RNLS: variants seen among roughly 807,000 people sequenced by gnomAD.
RNLS encodes renalase, FAD dependent amine oxidase, also known as renalase.
In RNLS, 39 loss-of-function variants were observed where a neutral mutation model predicts 39.8. The observed-to-expected ratio is 0.98, with a 90% confidence interval of 0.76 to 1.28. The LOEUF (loss-of-function observed/expected upper bound fraction) is 1.28. Among genes scored for constraint, RNLS ranks in the 50% most tolerant of loss-of-function variants. RNLS has a pLI of 0.00. For missense variants in RNLS, 410 were observed against 413.3 expected (o/e 0.99, Z 0.07); for synonymous variants, 147 against 150.7 (o/e 0.98, Z 0.18).
At chr10:88,498,670 C>T (rs1325304694) in intron 4 of RNLS, among the ~76,000 whole-genome samples, 1 of 151,230 alleles carries the variant, frequency 6.6e-6, no homozygotes, top group Non-Finnish European at 1.5e-5. Flanking sequence ...TATGAAAATG[C>T]CCTTGTTTTA....
intron 4 of RNLS, among the ~76,000 whole-genome samples, chr10:88,501,007 G>GTA (rs1845444492): frequency 1.5e-5 from 2 of 134,504 alleles, no homozygotes; most frequent in South Asian, 2.5e-4. Flanking sequence ...ATGTGTGTGT[G>GTA]TATATATATC....
At chr10:88,514,909 G>A (rs2134170144) in intron 4 of RNLS, among the ~76,000 whole-genome samples, 1 of 152,178 alleles carries the variant, frequency 6.6e-6, no homozygotes, top group South Asian at 2.1e-4. Context: ...AAGCGGGATT[G>A]GATTGCTAGA....
At chr10:88,298,447 T>G (rs1386699623) in intron 6 of RNLS, among the ~76,000 whole-genome samples, 2 of 152,220 alleles carry the variant, frequency 1.3e-5, no homozygotes, top group African/African-American at 2.4e-5. Flanking sequence ...TGTTTTCTTC[T>G]AGAAGTTTTA....
At chr10:88,202,498 A>G in the RNLS span, among the ~76,000 whole-genome samples, 8 of 152,156 alleles carry the variant, frequency 5.3e-5, no homozygotes, top group East Asian at 1.9e-4. Context: ...CCCACCCTGT[A>G]CCAGCCCTCC....
chr10:88,195,786 T>C, the RNLS span, among the ~76,000 whole-genome samples: 18 of 152,306 alleles, frequency 1.2e-4, no homozygotes, highest in South Asian at 6.2e-4. Context: ...CAGTTTTTCA[T>C]TGGAACCATC....
chr10:88,422,763 T>C (rs12412793), intron 4 of RNLS, among the ~76,000 whole-genome samples: 9,468 of 145,156 alleles, frequency 0.065, 430 homozygotes, highest in African/African-American at 0.12. Context: ...TAGATGGCCC[T>C]TTTTTTTTTT....
At chr10:88,512,262 C>T (rs1202233539) in intron 4 of RNLS, among the ~76,000 whole-genome samples, 1 of 152,140 alleles carries the variant, frequency 6.6e-6, no homozygotes, top group Admixed American at 6.6e-5. Flanking sequence ...AGTCTGTTTG[C>T]ACCCTTTTAT....
intron 2 of RNLS, 60 bp downstream of exon 2, chr10:88,582,139 CACA>C: frequency 7.7e-7 from 1 of 1,294,088 alleles, no homozygotes; most frequent in South Asian, 1.3e-5. Flanking sequence ...ATCTAATCTT[CACA>C]ACAACCCTAT....
intron 4 of RNLS, among the ~76,000 whole-genome samples, chr10:88,448,150 T>A (rs1441584697): frequency 2.6e-5 from 4 of 152,140 alleles, no homozygotes; most frequent in South Asian, 2.1e-4. Flanking sequence ...AAGCCAAAAT[T>A]GACAAATGGG....
chr10:88,516,421 T>C (rs1846409842), intron 4 of RNLS, among the ~76,000 whole-genome samples: 2 of 152,090 alleles, frequency 1.3e-5, no homozygotes, highest in African/African-American at 4.8e-5. Flanking sequence ...GAATATGTAA[T>C]TAAATTTTAT....
chr10:88,183,174 CT>C, the RNLS span, among the ~76,000 whole-genome samples: 8 of 152,042 alleles, frequency 5.3e-5, no homozygotes, highest in African/African-American at 1.9e-4. Context: ...CCATATTTTC[CT>C]TTGGATGCAA....
rs750167470 is a variant in RNLS at position 88,362,597 on chromosome 10, G to C, written c.655C>G (p.Pro219Ala). ...TCAATGGAGACGAAGCGTATGCAGG[G>C]ATTACTGGTGATGTACTGCCCAGCC... is the stretch of plus-strand genomic sequence containing the variant. ...PWAGQYITSNPCIRFVSIDNK... is the reference protein window; with the variant it reads ...PWAGQYITSNACIRFVSIDNK... Residue 219 changes from proline to alanine, a missense_variant, in exon 5 of 7, where the codon CCC (proline) becomes GCC (alanine). Physicochemically the swap from Pro to Ala is conservative, Grantham distance 27 (BLOSUM62 -1). Transcript: ENST00000331772. The C allele has an allele frequency of 1.2e-6, 2 of 1,613,840 alleles. No individual in the cohort carries two copies. The highest frequency in any genetic ancestry group is 8.5e-7 in the Non-Finnish European group (1 of 1,179,874).
chr10:88,476,549 C>A (rs532143559), intron 4 of RNLS, among the ~76,000 whole-genome samples: 2 of 152,180 alleles, frequency 1.3e-5, no homozygotes, highest in South Asian at 2.1e-4. Flanking sequence ...ATAATGGGTA[C>A]ATGACTTATT....
chr10:88,191,380 T>G, the RNLS span, among the ~76,000 whole-genome samples: 1 of 151,980 alleles, frequency 6.6e-6, no homozygotes, highest in Admixed American at 6.5e-5. Flanking sequence ...GCATGTGTCT[T>G]TATCTATTAA....
At chr10:88,524,280 T>C (rs1284965281) in intron 4 of RNLS, among the ~76,000 whole-genome samples, 2 of 152,132 alleles carry the variant, frequency 1.3e-5, no homozygotes, top group Non-Finnish European at 2.9e-5. Context: ...GCTTCATGTA[T>C]ATATTGTGAC....
chr10:88,224,938 A>C, the RNLS span, among the ~76,000 whole-genome samples: 1 of 152,210 alleles, frequency 6.6e-6, no homozygotes, highest in Non-Finnish European at 1.5e-5. Context: ...TAAGAAGCCA[A>C]GTCTTGGTGA....
the RNLS span, among the ~76,000 whole-genome samples, chr10:88,247,415 A>C: frequency 3.3e-5 from 5 of 152,182 alleles, no homozygotes; most frequent in Non-Finnish European, 7.3e-5. Context: ...GGTCAGAAAA[A>C]ATAGAATGAG....
At chr10:88,517,692 C>T (rs530834929) in intron 4 of RNLS, among the ~76,000 whole-genome samples, 11 of 151,884 alleles carry the variant, frequency 7.2e-5, no homozygotes, top group South Asian at 6.2e-4. Flanking sequence ...GAAATTTCTT[C>T]GAAACTTCTC....
intron 6 of RNLS, among the ~76,000 whole-genome samples, chr10:88,309,005 G>C (rs898274069): frequency 9.9e-5 from 15 of 152,164 alleles, no homozygotes; most frequent in African/African-American, 3.6e-4. Flanking sequence ...ATTCTCCTTA[G>C]CAAACTAATG....
Sources: gnomAD v4.1 joint callset for allele counts (sites outside exome capture counted in the v4.1 genomes callset) on GRCh38, gnomAD v4.1.1 for gene constraint, MANE v1.5 for transcripts, NCBI Gene and HGNC (gene_info 2026-07-23, HGNC 2026-07-21) for gene names.